TECRL: variants seen among roughly 807,000 people sequenced by gnomAD.
TECRL encodes the protein trans-2,3-enoyl-CoA reductase like.
In TECRL, 63 loss-of-function variants were observed where a neutral mutation model predicts 52.8. The ratio of observed to expected loss-of-function variants is 1.19; its 90% CI spans 0.97 to 1.47. The LOEUF is 1.47. Ranked by LOEUF, TECRL falls within the 40% of genes most tolerant of loss-of-function variation. The pLI is 0.00. For synonymous variants in TECRL, 164 were observed against 141.9 expected, an observed-to-expected ratio of 1.16 and a Z score of -1.10; for missense variants, 482 against 429.6, an observed-to-expected ratio of 1.12 and a Z score of -1.08.
At chr4:64,288,664 A>G (rs1216277912) in intron 9 of TECRL, among the ~76,000 whole-genome samples, 1 of 152,144 alleles carries the variant, frequency 6.6e-6, no homozygotes, top group Non-Finnish European at 1.5e-5. Context: ...CCCAAAGCCA[A>G]ACTTGCCCTC....
intron 1 of TECRL, among the ~76,000 whole-genome samples, chr4:64,390,301 T>A (rs1365149840): frequency 6.6e-6 from 1 of 151,940 alleles, no homozygotes; most frequent in Admixed American, 6.6e-5. Flanking sequence ...TTCAAATCGC[T>A]GTGTTCCCTC....
downstream of TECRL, chr4:64,277,015 A>G: frequency 1.3e-6 from 2 of 1,498,254 alleles, no homozygotes; most frequent in South Asian, 1.3e-5. Context: ...TAAATTTGTC[A>G]GGCTTTTTCT....
At chr4:64,354,984 G>C (rs1227108500) in intron 2 of TECRL, among the ~76,000 whole-genome samples, 1 of 152,150 alleles carries the variant, frequency 6.6e-6, no homozygotes, top group Non-Finnish European at 1.5e-5. Context: ...AAGTGAGTAA[G>C]TAAAGTAGAG....
At chr4:64,401,198 C>T (rs1724337768) in intron 1 of TECRL, among the ~76,000 whole-genome samples, 1 of 152,146 alleles carries the variant, frequency 6.6e-6, no homozygotes, top group Non-Finnish European at 1.5e-5. Context: ...TTACCCTGTT[C>T]AAAGAAAAAT....
In TECRL at chr4:64,400,235, C is replaced by T. The variant is rs372022501; in HGVS notation, c.234+8883G>A. 7.9e-5 allele frequency among the ~76,000 whole-genome samples: 12 copies of T among 152,286 alleles called. No individual in the cohort carries two copies. In the South Asian group the frequency reaches 1.9e-3, roughly 24 times the overall value. ...ATTGTTCTACTAGGTTTTGGACTTG[C>T]ATGGACCCTGTAGCCACTTTCTTTT... On this transcript the variant is annotated intron_variant, in intron 1 of 11. Coordinates refer to ENST00000381210, the MANE Select transcript of TECRL (RefSeq NM_001010874.5).
At chr4:64,281,264 T>C (rs187515840) in intron 10 of TECRL, among the ~76,000 whole-genome samples, 178 bp from the exon 11 acceptor site, 12 of 152,004 alleles carry the variant, frequency 7.9e-5, no homozygotes. Flanking sequence ...TCTCATTAAA[T>C]GGGATCATAT....
intron 1 of TECRL, among the ~76,000 whole-genome samples, chr4:64,403,528 T>G (rs1213255499): frequency 6.6e-6 from 1 of 150,912 alleles, no homozygotes; most frequent in African/African-American, 2.4e-5. Context: ...TATTTTAGCC[T>G]CAGGCATATC....
chr4:64,317,074 C>A (rs957454188), intron 4 of TECRL, among the ~76,000 whole-genome samples: 2 of 151,956 alleles, frequency 1.3e-5, no homozygotes, highest in African/African-American at 2.4e-5. Flanking sequence ...GTCAGGAGAT[C>A]GAGACCATCC....
At chr4:64,392,985 A>G (rs142806123) in intron 1 of TECRL, among the ~76,000 whole-genome samples, 418 of 152,018 alleles carry the variant, frequency 2.7e-3, no homozygotes, top group African/African-American at 9.4e-3. Context: ...TCACTCTACT[A>G]TCCTGCTTAG....
chr4:64,320,996 C>T (rs1013751659), intron 4 of TECRL, among the ~76,000 whole-genome samples: 2 of 151,948 alleles, frequency 1.3e-5, no homozygotes, highest in African/African-American at 4.8e-5. Context: ...ATTTGATATT[C>T]ATTTATTTGT....
intron 2 of TECRL, among the ~76,000 whole-genome samples, chr4:64,350,621 G>A (rs1356648614): frequency 6.6e-6 from 1 of 152,040 alleles, no homozygotes; most frequent in Non-Finnish European, 1.5e-5. Flanking sequence ...TTGCCATTTG[G>A]AATGTGGTGG....
At position 64,283,208 on chromosome 4, in the gene TECRL, C is replaced by T. The variant is rs771632675; in HGVS notation, c.833-1649G>A. ...CATTGGAGACTTGTTGAGACTATAT[C>T]GCTCTCAATTTCCTACCTAAATATG... is the stretch of plus-strand genomic sequence containing the variant. On this transcript the variant is annotated intron_variant, in intron 9 of 11. Coordinates refer to ENST00000381210, the MANE Select transcript of TECRL (RefSeq NM_001010874.5). Among the ~76,000 whole-genome samples the T allele has an allele frequency of 3.9e-5, 6 of 152,142 alleles. No homozygotes were observed. In the East Asian group the frequency reaches 7.7e-4, roughly 20 times the overall value.
intron 2 of TECRL, among the ~76,000 whole-genome samples, chr4:64,355,185 G>A (rs1320734116): frequency 6.6e-6 from 1 of 152,092 alleles, no homozygotes; most frequent in East Asian, 1.9e-4. Flanking sequence ...AAACAAAGAA[G>A]AATGAAAAGT....
chr4:64,391,320 A>G (rs1723530506), intron 1 of TECRL, among the ~76,000 whole-genome samples: 2 of 151,942 alleles, frequency 1.3e-5, no homozygotes, highest in Middle Eastern at 3.4e-3. Flanking sequence ...TGAATGCCAT[A>G]TATTTTCATA....
At chr4:64,350,590 G>A (rs1400088880) in intron 2 of TECRL, among the ~76,000 whole-genome samples, 2 of 152,062 alleles carry the variant, frequency 1.3e-5, no homozygotes, top group African/African-American at 4.8e-5. Context: ...ATTTAAATAG[G>A]TGGACTTTGA....
chr4:64,324,703 T>C (rs1416817418), intron 3 of TECRL, among the ~76,000 whole-genome samples: 2 of 152,112 alleles, frequency 1.3e-5, no homozygotes, highest in Non-Finnish European at 2.9e-5. Context: ...GGGTACTTTA[T>C]TGAAAACAAT....
intron 4 of TECRL, among the ~76,000 whole-genome samples, chr4:64,316,892 A>G (rs900657844): frequency 3.3e-5 from 5 of 152,152 alleles, no homozygotes; most frequent in African/African-American, 7.2e-5. Flanking sequence ...TGTTTTGAAT[A>G]CAAAATTCAT....
At chr4:64,313,627 A>G (rs1299349611) in intron 5 of TECRL, among the ~76,000 whole-genome samples, 20 of 149,342 alleles carry the variant, frequency 1.3e-4, no homozygotes, top group East Asian at 4.1e-4. Flanking sequence ...GACTACAGGC[A>G]CCCGCCACCA....
In TECRL at chr4:64,280,123, T is replaced by G. The variant is rs773003644; in HGVS notation, c.1041A>C (p.Lys347Asn). The G allele has an allele frequency of 1.9e-6, 3 of 1,604,214 alleles. No individual in the cohort carries two copies. Among genetic ancestry groups the G allele is most frequent in the Non-Finnish European group, 2.6e-6 (3 of 1,175,734 alleles). Residue 347 changes from lysine to asparagine, a missense_variant, in exon 12 of 12, where the codon AAA becomes AAC. Physicochemically the swap from Lys to Asn is moderately conservative, Grantham distance 94. Coordinates refer to ENST00000381210, the MANE Select transcript of TECRL (RefSeq NM_001010874.5). Reference protein sequence around the residue: ...AQKKHKIYLRKFNSYIHRKSA... With the variant: ...AQKKHKIYLRNFNSYIHRKSA... ...ATTTTCTATGAATATATGAATTGAA[T>G]TTTCTCAGATAAATCTTATGTTTCT...
Sources: gnomAD v4.1 joint callset for allele counts (sites outside exome capture counted in the v4.1 genomes callset) on GRCh38, gnomAD v4.1.1 for gene constraint, MANE v1.5 for transcripts, NCBI Gene and HGNC (gene_info 2026-07-23, HGNC 2026-07-21) for gene names.